PHYHIPL: variants seen among roughly 807,000 people sequenced by gnomAD.
The protein encoded by PHYHIPL is phytanoyl-CoA hydroxylase-interacting protein-like.
A neutral mutation model predicts 33.4 loss-of-function variants in PHYHIPL; 9 were observed. The observed-to-expected ratio is 0.27, with a 90% CI of 0.16 to 0.47. The LOEUF (loss-of-function observed/expected upper bound fraction) is 0.47, where lower values mean the gene tolerates loss of function less well. Ranked by LOEUF, PHYHIPL falls within the 20% of genes least tolerant of loss-of-function variation. PHYHIPL has a pLI of 0.99. For synonymous variants in PHYHIPL, 153 were observed against 154.1 expected (o/e 0.99, Z 0.05); for missense variants, 365 against 460.7 (o/e 0.79, Z 1.90).
chr10:59,233,441 T>C (rs960090831), intron 1 of PHYHIPL, among the ~76,000 whole-genome samples: 1 of 151,742 alleles, frequency 6.6e-6, no homozygotes, highest in Non-Finnish European at 1.5e-5. Flanking sequence ...TTTTTTTTTC[T>C]CTCTTGAGGC....
At chr10:59,238,022 T>G (rs1009547084) in intron 3 of PHYHIPL, among the ~76,000 whole-genome samples, 4 of 151,928 alleles carry the variant, frequency 2.6e-5, no homozygotes, top group African/African-American at 7.2e-5. Context: ...AAATTCTTAC[T>G]AATCTTTATA....
At chr10:59,177,963 A>G (rs747240702) in intron 1 of PHYHIPL, among the ~76,000 whole-genome samples, 19 of 152,230 alleles carry the variant, frequency 1.2e-4, no homozygotes, top group Non-Finnish European at 2.1e-4. Flanking sequence ...TTAACTGTAT[A>G]TAGAGGTAAT....
intron 1 of PHYHIPL, among the ~76,000 whole-genome samples, chr10:59,177,783 TAG>T (rs1356996606): frequency 6.6e-6 from 1 of 152,214 alleles, no homozygotes; most frequent in Non-Finnish European, 1.5e-5. Flanking sequence ...CTGGACTAGT[TAG>T]AGTCTGCTAC....
chr10:59,221,333 A>C (rs990821981), intron 1 of PHYHIPL, among the ~76,000 whole-genome samples: 49 of 152,176 alleles, frequency 3.2e-4, no homozygotes, highest in African/African-American at 1.1e-3. Context: ...GTATTTTATC[A>C]TTGCCATTGC....
chr10:59,188,145 C>T (rs1194979538), intron 1 of PHYHIPL, among the ~76,000 whole-genome samples: 1 of 152,152 alleles, frequency 6.6e-6, no homozygotes, highest in Non-Finnish European at 1.5e-5. Context: ...GAATGTGTCC[C>T]AGAGATTCTG....
At chr10:59,181,063 TACTTA>T (rs978412961) in intron 1 of PHYHIPL, among the ~76,000 whole-genome samples, 3 of 152,202 alleles carry the variant, frequency 2.0e-5, no homozygotes, top group African/African-American at 4.8e-5. Flanking sequence ...AACCTTAAAT[TACTTA>T]ACTTGTTTTA....
chr10:59,212,274 C>G (rs1018363366), intron 1 of PHYHIPL, among the ~76,000 whole-genome samples: 15 of 152,150 alleles, frequency 9.9e-5, no homozygotes, highest in African/African-American at 3.6e-4. Context: ...TACCCAGTGT[C>G]AGGTATTCTG....
intron 1 of PHYHIPL, among the ~76,000 whole-genome samples, chr10:59,232,375 G>C (rs1840104151): frequency 6.6e-6 from 1 of 151,830 alleles, no homozygotes; most frequent in Non-Finnish European, 1.5e-5. Flanking sequence ...TTCTAGGCTT[G>C]AGCTTTATAT....
intron 1 of PHYHIPL, chr10:59,221,704 C>A: frequency 1.0e-6 from 1 of 983,988 alleles, no homozygotes; most frequent in Non-Finnish European, 1.2e-6. Context: ...AGGATTAGCA[C>A]CACAGAGATA....
At chr10:59,195,065 G>T (rs1310617419) in intron 1 of PHYHIPL, among the ~76,000 whole-genome samples, 1 of 151,992 alleles carries the variant, frequency 6.6e-6, no homozygotes, top group Non-Finnish European at 1.5e-5. Context: ...ACAGAAAGGG[G>T]GAAAGGATTT....
intron 3 of PHYHIPL, among the ~76,000 whole-genome samples, 155 bp downstream of exon 3, chr10:59,236,812 T>G (rs986281821): frequency 6.6e-6 from 1 of 151,970 alleles, no homozygotes; most frequent in Admixed American, 6.6e-5. Flanking sequence ...TAAACAATGT[T>G]GTATTGATTG....
At chr10:59,195,798 A>G (rs1459319059) in intron 1 of PHYHIPL, among the ~76,000 whole-genome samples, 2 of 152,148 alleles carry the variant, frequency 1.3e-5, no homozygotes, top group African/African-American at 2.4e-5. Context: ...AGACTTTGAA[A>G]AGTATCCTTT....
At chr10:59,238,365 G>A (rs535351068) in intron 3 of PHYHIPL, among the ~76,000 whole-genome samples, 127 of 151,964 alleles carry the variant, frequency 8.4e-4, no homozygotes, top group African/African-American at 3.0e-3. Flanking sequence ...AAAAATGCAA[G>A]CAAAGGTATT....
upstream of PHYHIPL, among the ~76,000 whole-genome samples, chr10:59,173,603 T>A (rs557921178): frequency 1.3e-5 from 2 of 152,312 alleles, no homozygotes; most frequent in African/African-American, 4.8e-5. Flanking sequence ...CTGTCTAGAT[T>A]CTTCTTGACC....
intron 2 of PHYHIPL, among the ~76,000 whole-genome samples, chr10:59,235,510 C>T (rs1042751034): frequency 8.6e-5 from 13 of 151,664 alleles, no homozygotes; most frequent in African/African-American, 2.4e-4. Flanking sequence ...ATTAGATGTG[C>T]GATTATACAT....
chr10:59,174,101 A>G (rs1309032553), upstream of PHYHIPL, among the ~76,000 whole-genome samples: 2 of 151,606 alleles, frequency 1.3e-5, no homozygotes, highest in African/African-American at 4.8e-5. Flanking sequence ...ATCTTCCCAG[A>G]TATCTGAGAA....
At chr10:59,204,262 C>G (rs1200747848) in intron 1 of PHYHIPL, among the ~76,000 whole-genome samples, 1 of 152,086 alleles carries the variant, frequency 6.6e-6, no homozygotes, top group Non-Finnish European at 1.5e-5. Flanking sequence ...TAAGTTAACA[C>G]TAAAATATTA....
At chr10:59,234,024 C>T (rs887173954) in intron 1 of PHYHIPL, among the ~76,000 whole-genome samples, 1 of 151,650 alleles carries the variant, frequency 6.6e-6, no homozygotes, top group Non-Finnish European at 1.5e-5. Flanking sequence ...CCTGATACTA[C>T]TTTAGAGCAA....
chr10:59,177,803 A>AACTTTACAAAAGTCT (rs1199334116), intron 1 of PHYHIPL, among the ~76,000 whole-genome samples: 2 of 152,196 alleles, frequency 1.3e-5, no homozygotes, highest in Non-Finnish European at 2.9e-5. Context: ...TACTTTAGTA[A>AACTTTACAAAAGTCT]TGTGGTACAA....
Sources: gnomAD v4.1 joint callset for allele counts (sites outside exome capture counted in the v4.1 genomes callset) on GRCh38, gnomAD v4.1.1 for gene constraint, MANE v1.5 for transcripts, NCBI Gene and HGNC (gene_info 2026-07-23, HGNC 2026-07-21) for gene names.